RALGAPA2: variants seen among roughly 807,000 people sequenced by gnomAD.
The protein encoded by RALGAPA2 is Ral GTPase activating protein catalytic subunit alpha 2.
Under a neutral mutation model 230.4 loss-of-function variants are expected in RALGAPA2, and 139 were observed. The ratio of observed to expected loss-of-function variants is 0.60; its 90% CI spans 0.53 to 0.69. The LOEUF (loss-of-function observed/expected upper bound fraction) is 0.69. RALGAPA2 is among the 30% of genes least tolerant of loss of function. RALGAPA2 has a pLI of 0.00. For missense variants in RALGAPA2, 2,163 were observed against 2,276.0 expected, an observed-to-expected ratio of 0.95 and a Z score of 1.01; for synonymous variants, 847 against 837.8, an observed-to-expected ratio of 1.01 and a Z score of -0.19.
chr20:20,612,412 A>C (rs535763959), intron 13 of RALGAPA2, among the ~76,000 whole-genome samples: 4 of 152,218 alleles, frequency 2.6e-5, no homozygotes, highest in Admixed American at 2.0e-4. Context: ...GAATAGGACA[A>C]AGTAATCAGA....
chr20:20,703,950 T>C (rs1409898646), intron 1 of RALGAPA2, among the ~76,000 whole-genome samples: 3 of 152,224 alleles, frequency 2.0e-5, no homozygotes, highest in Non-Finnish European at 4.4e-5. Context: ...AAACGTTAAA[T>C]GCATTTTTCA....
intron 23 of RALGAPA2, among the ~76,000 whole-genome samples, chr20:20,556,906 G>A (rs2064100208): frequency 1.3e-5 from 2 of 152,172 alleles, no homozygotes; most frequent in African/African-American, 4.8e-5. Flanking sequence ...GCTTGTCTTA[G>A]AAGAGGCTAA....
At chr20:20,600,312 A>C (rs139776179) in intron 16 of RALGAPA2, among the ~76,000 whole-genome samples, 1 of 152,334 alleles carries the variant, frequency 6.6e-6, no homozygotes, top group African/African-American at 2.4e-5. Context: ...CAAAACAAAA[A>C]AAGAATCCAA....
At chr20:20,415,174 T>G (rs534958585) in intron 37 of RALGAPA2, among the ~76,000 whole-genome samples, 2 of 152,278 alleles carry the variant, frequency 1.3e-5, no homozygotes, top group Admixed American at 1.3e-4. Flanking sequence ...AGGGCTTCAA[T>G]GCTGGTTGCT....
intron 4 of RALGAPA2, among the ~76,000 whole-genome samples, chr20:20,650,650 G>T (rs1286214604): frequency 6.6e-6 from 1 of 152,166 alleles, no homozygotes; most frequent in African/African-American, 2.4e-5. Flanking sequence ...TGGTGAGAAG[G>T]CCCCTCCTTG....
At chr20:20,604,045 G>A (rs569684429) in intron 15 of RALGAPA2, among the ~76,000 whole-genome samples, 1 of 152,298 alleles carries the variant, frequency 6.6e-6, no homozygotes, top group Admixed American at 6.5e-5. Context: ...ACCCTGCAAA[G>A]ACCAAAATCA....
In RALGAPA2 at chr20:20,512,512, C is replaced by A. The variant is rs1339387054; in HGVS notation, c.4856+1G>T. On this transcript the variant is annotated splice_donor_variant, in intron 32 of 39. Coordinates refer to ENST00000202677, the MANE Select transcript of RALGAPA2 (RefSeq NM_020343.4). LOFTEE classifies it high-confidence loss of function. Reference sequence around the variant, plus strand: ...ACTGGAGGTCTAGCTTGGATTGTTACCTTCTGTCCCAAGAATTCATTCCCA... The same window carrying A: ...ACTGGAGGTCTAGCTTGGATTGTTAACTTCTGTCCCAAGAATTCATTCCCA... 6.3e-7 allele frequency: 1 copy of A among 1,587,634 alleles called. No homozygotes were observed. The highest frequency in any genetic ancestry group is 1.8e-5 in the Admixed American group (1 of 55,106).
intron 37 of RALGAPA2, among the ~76,000 whole-genome samples, chr20:20,431,125 C>A (rs2060493380): frequency 6.6e-6 from 1 of 152,112 alleles, no homozygotes; most frequent in Non-Finnish European, 1.5e-5. Context: ...GTGGAATCTA[C>A]ACAGGCCAGA....
At chr20:20,492,830 T>C (rs1234935399) in intron 36 of RALGAPA2, among the ~76,000 whole-genome samples, 19 of 152,214 alleles carry the variant, frequency 1.2e-4, no homozygotes, top group Non-Finnish European at 1.5e-5. Context: ...TCACGGTTAC[T>C]GATAATTATA....
chr20:20,487,495 A>G (rs2061941659), intron 36 of RALGAPA2, among the ~76,000 whole-genome samples: 1 of 152,186 alleles, frequency 6.6e-6, no homozygotes, highest in Non-Finnish European at 1.5e-5. Flanking sequence ...GTGACCTTCA[A>G]AAGTGCTTTT....
intron 38 of RALGAPA2, among the ~76,000 whole-genome samples, chr20:20,409,302 C>T (rs1487656301): frequency 1.3e-5 from 2 of 152,220 alleles, no homozygotes; most frequent in Admixed American, 1.3e-4. Context: ...ATGCTGCTTT[C>T]TGGCTTGCTG....
At chr20:20,534,157 A>G (rs1168690377) in intron 26 of RALGAPA2, among the ~76,000 whole-genome samples, 1 of 152,192 alleles carries the variant, frequency 6.6e-6, no homozygotes, top group Non-Finnish European at 1.5e-5. Flanking sequence ...AAAAGATAAT[A>G]GAGATGGCTG....
chr20:20,686,934 G>A lies in RALGAPA2; in HGVS notation c.107-6133C>T, dbSNP rs189365497. On this transcript the variant is annotated intron_variant, in intron 1 of 39. Transcript: ENST00000202677. The stretch of plus-strand genomic sequence containing the variant: ...ATGCTATCAAGGGAGGAAGGAGCTC[G>A]TGTTCAGTTCTCCTCTAATAGGGAA... Among the ~76,000 whole-genome samples the A allele has an allele frequency of 1.1e-3, 160 of 152,252 alleles. 1 individual carries two copies. The highest frequency in any genetic ancestry group is 3.6e-3 in the African/African-American group (151 of 41,542).
chr20:20,420,639 G>A (rs1188699455), intron 37 of RALGAPA2, among the ~76,000 whole-genome samples: 3 of 152,092 alleles, frequency 2.0e-5, no homozygotes, highest in Non-Finnish European at 2.9e-5. Flanking sequence ...CAGGCTCTCC[G>A]GTGAGGCAGA....
At chr20:20,494,030 T>C (rs1376153321) in intron 36 of RALGAPA2, among the ~76,000 whole-genome samples, 1 of 152,188 alleles carries the variant, frequency 6.6e-6, no homozygotes, top group Non-Finnish European at 1.5e-5. Flanking sequence ...CATTAAGTAT[T>C]CTCTCTCCAT....
At chr20:20,693,279 A>G (rs1036494595) in intron 1 of RALGAPA2, among the ~76,000 whole-genome samples, 6 of 152,242 alleles carry the variant, frequency 3.9e-5, no homozygotes, top group African/African-American at 1.2e-4. Flanking sequence ...TTTCTCAAAT[A>G]CAGGATTCTA....
At chr20:20,573,623 G>C (rs760543845) in intron 20 of RALGAPA2, among the ~76,000 whole-genome samples, 54 of 152,228 alleles carry the variant, frequency 3.5e-4, no homozygotes, top group Non-Finnish European at 5.4e-4. Flanking sequence ...TCTATTCTCA[G>C]CCTCTTGCAA....
Position 20,618,904 on chromosome 20 carries a change from A to C in RALGAPA2, c.1539+373T>G, listed in dbSNP as rs189871247. On this transcript the variant is annotated intron_variant, in intron 12 of 39. Coordinates refer to ENST00000202677, the MANE Select transcript of RALGAPA2 (RefSeq NM_020343.4). Reference sequence around the variant, plus strand: ...AATTTTAAGAGGAATATTACTTATAAGATTTTATAATTGCCAAGCTTGTCT... The same window carrying C: ...AATTTTAAGAGGAATATTACTTATACGATTTTATAATTGCCAAGCTTGTCT... 3.9e-3 allele frequency among the ~76,000 whole-genome samples: 592 copies of C among 152,358 alleles called. 4 individuals carry two copies. The highest frequency in any genetic ancestry group is 0.014 in the African/African-American group (562 of 41,572).
At chr20:20,572,340 G>A (rs2064670172) in intron 21 of RALGAPA2, among the ~76,000 whole-genome samples, 1 of 151,790 alleles carries the variant, frequency 6.6e-6, no homozygotes, top group South Asian at 2.1e-4. Flanking sequence ...TACTCAGGAG[G>A]CTAAAGCAGG....
Sources: gnomAD v4.1 joint callset for allele counts (sites outside exome capture counted in the v4.1 genomes callset) on GRCh38, gnomAD v4.1.1 for gene constraint, MANE v1.5 for transcripts, NCBI Gene and HGNC (gene_info 2026-07-23, HGNC 2026-07-21) for gene names.